The following KIF1C variants were observed in gnomAD, a reference collection of about 807,000 sequenced individuals.
The protein encoded by KIF1C is kinesin family member 1C, also known as kinesin-like protein KIF1C.
In KIF1C, 61 loss-of-function variants were observed where a neutral mutation model predicts 126.5. That is an observed-to-expected ratio of 0.48 (90% CI 0.39 to 0.60). The LOEUF (loss-of-function observed/expected upper bound fraction) is 0.60. Among genes scored for constraint, KIF1C ranks in the 20% least tolerant of loss-of-function variants. The pLI is 0.00. For missense variants in KIF1C, 1,315 were observed against 1,489.2 expected, an observed-to-expected ratio of 0.88 and a Z score of 1.93; for synonymous variants, 640 against 580.6, an observed-to-expected ratio of 1.10 and a Z score of -1.47.
At chr17:5,000,188 C>T (rs1435486745) in intron 2 of KIF1C, 32 bp from the exon 3 acceptor site, 2 of 1,277,262 alleles carry the variant, frequency 1.6e-6, no homozygotes, top group Non-Finnish European at 2.2e-6. Flanking sequence ...TGCAGTGGTT[C>T]TGACCCCACC....
At position 5,004,569 on chromosome 17, in the gene KIF1C, G is replaced by C; in HGVS notation, c.943G>C (p.Gly315Arg). 3 of 1,614,040 alleles carry C rather than the reference G, an allele frequency of 1.9e-6. No homozygotes were observed. Among genetic ancestry groups the C allele is most frequent in the Non-Finnish European group, 2.5e-6 (3 of 1,179,954 alleles). The change falls in exon 12 of 23, where the codon GGG (glycine) becomes CGG (arginine). Residue 315 changes from glycine (G) to arginine (R), a missense_variant and splice_region_variant. Around this residue, in one of 2 missense-constraint regions of KIF1C, gnomAD observed 874 missense variants for 1,053.2 expected, o/e 0.83. Coordinates refer to ENST00000320785, the MANE Select transcript of KIF1C (RefSeq NM_006612.6). ...LTWLLKENLG[G>R]NSRTAMIAAL... is the part of the protein sequence containing the mutation. Reference sequence around the variant, plus strand: ...TTTTCCATGCACTCCATTCACAGGGGGGAACTCACGCACAGCCATGATTGC... The same window carrying C: ...TTTTCCATGCACTCCATTCACAGGGCGGAACTCACGCACAGCCATGATTGC...
At chr17:5,016,903 CA>C (rs550926473) in intron 18 of KIF1C, among the ~76,000 whole-genome samples, 2,562 of 84,802 alleles carry the variant, frequency 0.03, 34 homozygotes, top group East Asian at 0.085. Flanking sequence ...GAGACTGTTT[CA>C]AAAAAAAAAA....
In KIF1C at chr17:5,004,949, C is replaced by A. The variant is rs201287076; in HGVS notation, c.1114C>A (p.Arg372=). The change falls in exon 13 of 23, where the codon CGG becomes AGG. Residue 372 remains arginine, a synonymous_variant. Transcript: ENST00000320785. ...TAGAGAGCTGCAGGAGGAAGTAGCC[C>A]GGCTGCGGGAACTGCTGATGGCTCA... is the stretch of plus-strand genomic sequence containing the variant. The part of the protein sequence containing the change: ...LIRELQEEVA[R]LRELLMAQGL... 4.3e-6 allele frequency: 7 copies of A among 1,614,212 alleles called. No homozygotes were observed. Among genetic ancestry groups the A allele is most frequent in the Non-Finnish European group, 5.9e-6 (7 of 1,180,034 alleles).
At position 5,002,351 on chromosome 17, in the gene KIF1C, T is replaced by G; in HGVS notation, c.430-113T>G. ...GCTGAGCTAGCATCTGCAGAATGCT[T>G]CGCACTGTGTATTAGCTGCAGTCAC... is the stretch of plus-strand genomic sequence containing the variant. On this transcript the variant is annotated intron_variant, in intron 6 of 22. Coordinates refer to ENST00000320785, the MANE Select transcript of KIF1C (RefSeq NM_006612.6). The G allele has an allele frequency of 2.7e-6, 3 of 1,109,358 alleles. No individual in the cohort carries two copies. The South Asian group carries it at 4.3e-5, about 16-fold the overall frequency. 68.7% of individuals were successfully genotyped at this position (1,109,358 alleles called of 1,614,324 possible).
At chr17:5,002,023 A>G in intron 5 of KIF1C, 36 bp from the exon 6 acceptor site, 1 of 1,598,342 alleles carries the variant, frequency 6.3e-7, no homozygotes, top group Non-Finnish European at 8.6e-7. Flanking sequence ...TGCCCTGAAC[A>G]GGAGCTTCTC....
At chr17:5,003,758 G>C in intron 9 of KIF1C, 69 bp downstream of exon 9, 1 of 1,556,264 alleles carries the variant, frequency 6.4e-7, no homozygotes, top group Non-Finnish European at 8.9e-7. Context: ...GTCTCCAGTC[G>C]GAACCTGAGA....
Position 5,003,674 on chromosome 17 carries a change from G to C in KIF1C, c.783G>C (p.Arg261=). 2 of 1,613,640 alleles carry C rather than the reference G, an allele frequency of 1.2e-6. No individual in the cohort carries two copies. Among genetic ancestry groups the C allele is most frequent in the South Asian group, 2.2e-5 (2 of 91,016 alleles). ...AGCGAGCCGACTCCTCAGGGGCCCG[G>C]GGCATGCGCCTGAAGGTGAGGGGCC... The part of the protein sequence containing the change: ...GSERADSSGA[R]GMRLKEGANI... Residue 261 remains arginine, a synonymous_variant, in exon 9 of 23, where the codon CGG becomes CGC. Transcript: ENST00000320785.
chr17:5,015,995 A>AT (rs1483680383), intron 18 of KIF1C, among the ~76,000 whole-genome samples: 1 of 152,038 alleles, frequency 6.6e-6, no homozygotes, highest in Admixed American at 6.6e-5. Context: ...CTCTGTGAAA[A>AT]TGAGTTGGGC....
At chr17:5,006,852 G>T in intron 13 of KIF1C, 63 bp from the exon 14 acceptor site, 1 of 1,545,292 alleles carries the variant, frequency 6.5e-7, no homozygotes, top group South Asian at 1.1e-5. Context: ...TTGGTCTCCT[G>T]GATGTCTCTC....
chr17:5,022,842 A>G lies in KIF1C; in HGVS notation c.2628+133A>G, dbSNP rs1178378680. The G allele has an allele frequency of 5.5e-6, 7 of 1,274,138 alleles. No homozygotes were observed. Among genetic ancestry groups the G allele is most frequent in the African/African-American group, 1.5e-5 (1 of 66,016 alleles). 78.9% of individuals were successfully genotyped at this position (1,274,138 alleles called of 1,614,324 possible). On this transcript the variant is annotated intron_variant, in intron 22 of 22. Transcript: ENST00000320785. The surrounding 1 kb of genome is among the most constrained non-coding windows in gnomAD (Gnocchi z 4.9). ...ATTGAAGTATAGTACGTTTTTTTCA[A>G]TATTGTTTACGAACCACATGCCTCG...
intron 16 of KIF1C, among the ~76,000 whole-genome samples, chr17:5,013,244 T>C (rs1435802254): frequency 6.6e-6 from 1 of 152,122 alleles, no homozygotes; most frequent in Non-Finnish European, 1.5e-5. Flanking sequence ...AAAGAAATGA[T>C]GGGACCTGAG....
At chr17:5,004,521 T>C (rs530959945) in intron 11 of KIF1C, 46 bp from the exon 12 acceptor site, 1 of 1,585,170 alleles carries the variant, frequency 6.3e-7, no homozygotes, top group Admixed American at 1.7e-5. Flanking sequence ...CTGACTTTGC[T>C]TAGCCCCTCC....
chr17:5,011,454 T>C (rs997250312), intron 16 of KIF1C: 1 of 152,252 alleles, frequency 6.6e-6, no homozygotes, highest in Non-Finnish European at 1.5e-5. Context: ...TTCTTGCTTA[T>C]CTGCTTGATG....
At position 5,021,029 on chromosome 17, in the gene KIF1C, A is replaced by G. The variant is rs185191270; in HGVS notation, c.2010+151A>G. 7 of 651,928 alleles carry G rather than the reference A, an allele frequency of 1.1e-5. No individual in the cohort carries two copies. In the East Asian group the frequency reaches 1.1e-4, roughly 10 times the overall value. The allele number at this position is 651,928 out of a possible 1,614,324, so 40.4% of individuals were successfully genotyped here. On this transcript the variant is annotated intron_variant, in intron 21 of 22. Transcript: ENST00000320785. The stretch of plus-strand genomic sequence containing the variant: ...AGGAAAAAGCCAGGAGAGAGATGTG[A>G]CTACAGGAAGAATCCATTGTGAGGA...
intron 18 of KIF1C, among the ~76,000 whole-genome samples, chr17:5,016,979 G>C (rs1974984491): frequency 6.6e-6 from 1 of 152,028 alleles, no homozygotes; most frequent in Non-Finnish European, 1.5e-5. Context: ...AGTTGTTCTG[G>C]TCTGGTTCAA....
In KIF1C at chr17:5,024,020, TA is replaced by T. The variant is rs1567729824; in HGVS notation, c.3182del (p.Tyr1061PhefsTer27). The T allele has an allele frequency of 6.3e-7, 1 of 1,593,730 alleles. No homozygotes were observed. Among genetic ancestry groups the T allele is most frequent in the Non-Finnish European group, 8.5e-7 (1 of 1,169,650 alleles). Reference protein sequence around the residue: ...QHFQPKKHNSYPQPPQPYPAQ... With the variant: ...QHFQPKKHNSXPQPPQPYPAQ... ...CTTCCAGCCCAAAAAGCACAACTCT[TA>T]TCCCCAGCCACCCCAACCCTACCCA... On this transcript the variant is annotated frameshift_variant, in exon 23 of 23. Transcript: ENST00000320785. LOFTEE classifies it high-confidence loss of function.
In KIF1C at chr17:5,020,063, G is replaced by A. The variant is rs778340634; in HGVS notation, c.1734G>A (p.Pro578=). Residue 578 remains proline, a synonymous_variant, in exon 19 of 23, where the codon CCG becomes CCA. Coordinates refer to ENST00000320785, the MANE Select transcript of KIF1C (RefSeq NM_006612.6). The surrounding 1 kb of genome is among the most constrained non-coding windows in gnomAD (Gnocchi z 5.8). ...TGAATGGGAAGCTTGTGACGGAGCCGCTGGTGCTGAAGTCAGGTAGAAGAT... is the reference window on the plus strand; with the variant it reads ...TGAATGGGAAGCTTGTGACGGAGCCACTGGTGCTGAAGTCAGGTAGAAGAT... ...TYVNGKLVTE[P]LVLKSGNRIV... The A allele has an allele frequency of 8.8e-6, 14 of 1,594,866 alleles. No individual in the cohort carries two copies. The highest frequency in any genetic ancestry group is 2.7e-5 in the African/African-American group (2 of 74,544).
chr17:5,021,991 C>G, intron 21 of KIF1C, 101 bp from the exon 22 acceptor site: 1 of 1,360,994 alleles, frequency 7.3e-7, no homozygotes, highest in Admixed American at 2.3e-5. Flanking sequence ...CCCAGGCTCC[C>G]TGATGGGCGT....
At position 5,021,038 on chromosome 17, in the gene KIF1C, A is replaced by G. The variant is rs238235; in HGVS notation, c.2010+160A>G. On this transcript the variant is annotated intron_variant, in intron 21 of 22. Coordinates refer to ENST00000320785, the MANE Select transcript of KIF1C (RefSeq NM_006612.6). ...CCAGGAGAGAGATGTGACTACAGGA[A>G]GAATCCATTGTGAGGAAGGAAGGAA... 0.82 allele frequency among the ~76,000 whole-genome samples: 124,785 copies of G among 151,986 alleles called. 52,162 individuals carry two copies. Among genetic ancestry groups the G allele is most frequent in the African/African-American group, 0.94 (38,924 of 41,476 alleles).
Sources: allele counts gnomAD v4.1 joint callset (sites outside exome capture counted in the v4.1 genomes callset), GRCh38; gene constraint gnomAD v4.1.1; regional missense constraint gnomAD v4.1.1; non-coding constraint Gnocchi (gnomAD v3.1); transcripts MANE v1.5; gene names NCBI Gene and HGNC (gene_info 2026-07-23, HGNC 2026-07-21).